Variants in FYCO1 observed in about 807,000 individuals in gnomAD.
The protein encoded by FYCO1 is FYVE and coiled-coil domain autophagy adaptor 1.
Under a neutral mutation model 165.1 loss-of-function variants are expected in FYCO1, and 122 were observed. The observed-to-expected ratio is 0.74, with a 90% CI of 0.64 to 0.86. The LOEUF is 0.86. Among genes scored for constraint, FYCO1 ranks in the 40% least tolerant of loss-of-function variants. FYCO1 has a pLI of 0.00. For synonymous variants in FYCO1, 648 were observed against 742.5 expected, an observed-to-expected ratio of 0.87 and a Z score of 2.07; for missense variants, 1,702 against 1,810.3, an observed-to-expected ratio of 0.94 and a Z score of 1.09.
intron 3 of FYCO1, 148 bp downstream of exon 3, chr3:45,981,422 A>C: frequency 1.5e-6 from 1 of 687,636 alleles, no homozygotes; most frequent in Admixed American, 2.0e-5. Flanking sequence ...TTGAGCTGGC[A>C]CTGGGGACTG....
At chr3:45,932,465 T>C (rs1703680566) in intron 15 of FYCO1, among the ~76,000 whole-genome samples, 1 of 152,376 alleles carries the variant, frequency 6.6e-6, no homozygotes, top group African/African-American at 2.4e-5. Context: ...TCTAAAAGAT[T>C]GAGAAATTCA....
intron 1 of FYCO1, among the ~76,000 whole-genome samples, chr3:45,986,236 A>G (rs954172727): frequency 6.6e-6 from 1 of 152,194 alleles, no homozygotes; most frequent in Non-Finnish European, 1.5e-5. Context: ...AGACTCAGCC[A>G]TTGTCACTAC....
chr3:45,946,762 A>G lies in FYCO1; in HGVS notation c.3944+8487T>C, dbSNP rs376709088. 25 of 1,614,192 alleles carry G rather than the reference A, an allele frequency of 1.5e-5. No individual in the cohort carries two copies. The African/African-American group carries it at 2.9e-4, about 19-fold the overall frequency. ...TTCTGGGCCTATGCAGGCATCCATG[A>G]ATGGGTGTTTGGCCAGGTCATGTGC... On this transcript the variant is annotated intron_variant, in intron 14 of 17. Coordinates refer to ENST00000296137, the MANE Select transcript of FYCO1 (RefSeq NM_024513.4).
At chr3:45,966,014 T>C (rs1705989680) in intron 8 of FYCO1, among the ~76,000 whole-genome samples, 1 of 152,248 alleles carries the variant, frequency 6.6e-6, no homozygotes, top group Admixed American at 6.5e-5. Context: ...AACTTCTGTG[T>C]GGGCTAATCT....
chr3:45,968,774 GTT>G lies in FYCO1; in HGVS notation c.631-73_631-72del, dbSNP rs1262231940. 9.5e-5 allele frequency: 150 copies of G among 1,581,164 alleles called. No individual in the cohort carries two copies. In the African/African-American group the frequency reaches 1.7e-3, roughly 18 times the overall value. On this transcript the variant is annotated intron_variant, in intron 7 of 17. Coordinates refer to ENST00000296137, the MANE Select transcript of FYCO1 (RefSeq NM_024513.4). ...CAGGGCTATTTAGAAAAGCTTTAGAGTTTAATGAGAGCAGAGGTAAAAATACA... is the reference window on the plus strand; with the variant it reads ...CAGGGCTATTTAGAAAAGCTTTAGAGTAATGAGAGCAGAGGTAAAAATACA...
chr3:45,968,415 C>G lies in FYCO1; in HGVS notation c.919G>C (p.Ala307Pro). 6.2e-7 allele frequency: 1 copy of G among 1,613,814 alleles called. No individual in the cohort carries two copies. Among genetic ancestry groups the G allele is most frequent in the Non-Finnish European group, 8.5e-7 (1 of 1,179,942 alleles). The change falls in exon 8 of 18, where the codon GCC (alanine) becomes CCC (proline). Residue 307 changes from alanine to proline, a missense_variant. By Grantham distance (27) the Ala-to-Pro change is conservative (BLOSUM62 -1). Coordinates refer to ENST00000296137, the MANE Select transcript of FYCO1 (RefSeq NM_024513.4). Reference sequence around the variant, plus strand: ...AGCTCCTTCACAGTGTTCTGGGTGGCCTGGGTGACCTCCCACTGCTTCTGG... The same window carrying G: ...AGCTCCTTCACAGTGTTCTGGGTGGGCTGGGTGACCTCCCACTGCTTCTGG... ...ELQKQWEVTQ[A>P]TQNTVKELQT...
intron 2 of FYCO1, among the ~76,000 whole-genome samples, chr3:45,983,808 C>G (rs991667382): frequency 6.6e-6 from 1 of 152,172 alleles, no homozygotes; most frequent in Non-Finnish European, 1.5e-5. Flanking sequence ...TGGTGCCAGG[C>G]TGTTGGTATA....
intron 14 of FYCO1, chr3:45,943,346 C>T (rs553932172): frequency 2.6e-5 from 4 of 152,080 alleles, no homozygotes; most frequent in Non-Finnish European, 4.4e-5. Context: ...CTGACCCACG[C>T]GTTACACAGG....
chr3:45,937,941 G>A (rs1237609353), intron 14 of FYCO1, among the ~76,000 whole-genome samples: 3 of 152,168 alleles, frequency 2.0e-5, no homozygotes, highest in African/African-American at 7.2e-5. Context: ...CCACTTGACA[G>A]CAGGGAAGCA....
At position 45,991,396 on chromosome 3, in the gene FYCO1, G is replaced by A. The variant is rs188104296; in HGVS notation, c.-113+4326C>T. On this transcript the variant is annotated intron_variant, in intron 1 of 17. Coordinates refer to ENST00000296137, the MANE Select transcript of FYCO1 (RefSeq NM_024513.4). ...GTACAAATCTCTTAACCCAGCTTGTGAGGCCCTTTACAGATGGGCTGCCTG... is the reference window on the plus strand; with the variant it reads ...GTACAAATCTCTTAACCCAGCTTGTAAGGCCCTTTACAGATGGGCTGCCTG... Among the ~76,000 whole-genome samples the A allele has an allele frequency of 3.9e-5, 6 of 152,286 alleles. No individual in the cohort carries two copies. The East Asian group carries it at 7.7e-4, about 20-fold the overall frequency.
chr3:45,950,808 G>A (rs1704966409), intron 14 of FYCO1, among the ~76,000 whole-genome samples: 1 of 152,190 alleles, frequency 6.6e-6, no homozygotes, highest in African/African-American at 2.4e-5. Flanking sequence ...CCACTGACAA[G>A]CCACAGGGTA....
chr3:45,967,568 T>C lies in FYCO1; in HGVS notation c.1766A>G (p.Glu589Gly), dbSNP rs778058042. 13 of 1,614,078 alleles carry C rather than the reference T, an allele frequency of 8.1e-6. No homozygotes were observed. Among genetic ancestry groups the C allele is most frequent in the African/African-American group, 2.7e-5 (2 of 75,040 alleles). ...SSLQEAWGKP[E>G]EEQRGLQEAQ... Reference sequence around the variant, plus strand: ...CTCCTGCAGGCCCCTCTGCTCCTCCTCTGGCTTCCCCCAGGCCTCTTGCAG... The same window carrying C: ...CTCCTGCAGGCCCCTCTGCTCCTCCCCTGGCTTCCCCCAGGCCTCTTGCAG... The change falls in exon 8 of 18, where the codon GAG becomes GGG. Residue 589 changes from glutamate (E) to glycine (G), a missense_variant. Transcript: ENST00000296137.
Position 45,966,935 on chromosome 3 carries a change from C to G in FYCO1, c.2399G>C (p.Arg800Pro). Residue 800 changes from arginine to proline, a missense_variant, in exon 8 of 18, where the codon CGG becomes CCG. By Grantham distance (103) the Arg-to-Pro change is moderately radical. Coordinates refer to ENST00000296137, the MANE Select transcript of FYCO1 (RefSeq NM_024513.4). ...AQVVDLQAKM[R>P]AALDDQDKVQ... ...CTTGTCCTGGTCATCCAGGGCTGCC[C>G]GCATCTTGGCCTGGAGGTCCACCAC... The G allele has an allele frequency of 2.5e-6, 4 of 1,613,704 alleles. No homozygotes were observed. Among genetic ancestry groups the G allele is most frequent in the Non-Finnish European group, 3.4e-6 (4 of 1,180,024 alleles).
At position 45,979,737 on chromosome 3, in the gene FYCO1, C is replaced by T. The variant is rs1030795842; in HGVS notation, c.256G>A (p.Asp86Asn). The change falls in exon 4 of 18, where the codon GAT becomes AAT. Residue 86 changes from aspartate (D) to asparagine (N), a missense_variant. Physicochemically the swap from Asp to Asn is conservative, Grantham distance 23. Transcript: ENST00000296137. ...ATAGACTTGACAAAGCGGATCCCAT[C>T]ATTGGCTCCTTTCACCTTGGCCAGG... ...ACLAKVKGANDGIRFVKSISE... is the reference protein window; with the variant it reads ...ACLAKVKGANNGIRFVKSISE... 7.4e-6 allele frequency: 12 copies of T among 1,613,986 alleles called. No individual in the cohort carries two copies. The highest frequency in any genetic ancestry group is 3.3e-5 in the South Asian group (3 of 91,082).
intron 14 of FYCO1, among the ~76,000 whole-genome samples, chr3:45,937,059 CAG>C (rs1703935373): frequency 6.6e-6 from 1 of 152,112 alleles, no homozygotes; most frequent in South Asian, 2.1e-4. Context: ...GATGGGGACA[CAG>C]AGGCCCAGGC....
At chr3:45,932,681 C>T (rs1703691553) in intron 15 of FYCO1, among the ~76,000 whole-genome samples, 1 of 152,194 alleles carries the variant, frequency 6.6e-6, no homozygotes, top group South Asian at 2.1e-4. Context: ...AATGGACAGA[C>T]TCCCCAAAGC....
chr3:45,968,712 G>A lies in FYCO1; in HGVS notation c.631-9C>T. 2 of 1,614,164 alleles carry A rather than the reference G, an allele frequency of 1.2e-6. No individual in the cohort carries two copies. Among genetic ancestry groups the A allele is most frequent in the Non-Finnish European group, 8.5e-7 (1 of 1,180,030 alleles). Reference sequence around the variant, plus strand: ...GACACCATCTCTTGAGTCTGGGAGGGAAAACACAAAAGACAAGTGGCTTTA... The same window carrying A: ...GACACCATCTCTTGAGTCTGGGAGGAAAAACACAAAAGACAAGTGGCTTTA... On this transcript the variant is annotated splice_polypyrimidine_tract_variant and intron_variant, in intron 7 of 17. Transcript: ENST00000296137.
intron 14 of FYCO1, among the ~76,000 whole-genome samples, chr3:45,936,972 C>A (rs1703927362): frequency 6.6e-6 from 1 of 152,136 alleles, no homozygotes; most frequent in African/African-American, 2.4e-5. Flanking sequence ...GAACAGGCAC[C>A]CAGGGGAGAT....
intron 14 of FYCO1, chr3:45,941,027 C>A (rs1704197097): frequency 6.6e-6 from 1 of 152,220 alleles, no homozygotes; most frequent in Non-Finnish European, 1.5e-5. Flanking sequence ...TGGCTCTGCT[C>A]CCACCAGATG....
Sources: allele counts gnomAD v4.1 joint callset (sites outside exome capture counted in the v4.1 genomes callset), GRCh38; gene constraint gnomAD v4.1.1; transcripts MANE v1.5; gene names NCBI Gene and HGNC (gene_info 2026-07-23, HGNC 2026-07-21).